Variants in GRM7 observed in about 807,000 individuals in gnomAD.
GRM7 encodes the protein glutamate metabotropic receptor 7.
GRM7 carries 35 observed loss-of-function variants against 84.5 expected under a neutral mutation model. The ratio of observed to expected loss-of-function variants is 0.41; its 90% CI spans 0.32 to 0.55. The LOEUF is 0.55. Among genes scored for constraint, GRM7 ranks in the 20% least tolerant of loss-of-function variants. The pLI is 0.19. For missense variants in GRM7, 1,003 were observed against 1,194.6 expected, an observed-to-expected ratio of 0.84 and a Z score of 2.36; for synonymous variants, 487 against 455.1, an observed-to-expected ratio of 1.07 and a Z score of -0.89.
At chr3:7,406,853 A>G (rs6775616) in intron 4 of GRM7, among the ~76,000 whole-genome samples, 53,674 of 152,082 alleles carry the variant, frequency 0.35, 10,645 homozygotes, top group Non-Finnish European at 0.46. Context: ...CATTTTTTAT[A>G]GCTTTGGATA....
intron 1 of GRM7, among the ~76,000 whole-genome samples, chr3:6,902,209 C>G (rs1696412912): frequency 6.6e-6 from 1 of 152,124 alleles, no homozygotes; most frequent in Admixed American, 6.5e-5. Flanking sequence ...CATGGCATTG[C>G]CTTGTATTAC....
intron 4 of GRM7, among the ~76,000 whole-genome samples, chr3:7,368,192 C>T (rs1693987115): frequency 6.6e-6 from 1 of 151,888 alleles, no homozygotes; most frequent in Non-Finnish European, 1.5e-5. Flanking sequence ...ACTACAAAGG[C>T]ATTTCTGGAA....
At chr3:7,703,515 C>T (rs771872867) in intron 9 of GRM7, among the ~76,000 whole-genome samples, 1 of 151,986 alleles carries the variant, frequency 6.6e-6, no homozygotes, top group Non-Finnish European at 1.5e-5. Context: ...CTGCCACTTC[C>T]AATCCGGGAG....
intron 9 of GRM7, among the ~76,000 whole-genome samples, chr3:7,713,795 CTTTTTTTTTT>C (rs60007117): frequency 9.3e-5 from 6 of 64,754 alleles, no homozygotes; most frequent in South Asian, 7.9e-4. Flanking sequence ...CGGATGCTTT[CTTTTTTTTTT>C]TTTTTTTTTT....
chr3:7,198,516 C>T (rs963563768), intron 2 of GRM7, among the ~76,000 whole-genome samples: 1 of 152,076 alleles, frequency 6.6e-6, no homozygotes, highest in African/African-American at 2.4e-5. Flanking sequence ...CTGATAAACC[C>T]ATTGTAAGTC....
At chr3:7,545,278 G>C (rs1693090004) in intron 7 of GRM7, among the ~76,000 whole-genome samples, 2 of 152,170 alleles carry the variant, frequency 1.3e-5, no homozygotes, top group Non-Finnish European at 2.9e-5. Flanking sequence ...GAGTGCACAG[G>C]CCAATGCCTG....
At chr3:7,127,397 G>T (rs1445182174) in intron 1 of GRM7, among the ~76,000 whole-genome samples, 1 of 152,118 alleles carries the variant, frequency 6.6e-6, no homozygotes, top group Non-Finnish European at 1.5e-5. Flanking sequence ...GAAAATAATT[G>T]ATAGCATCTA....
chr3:6,963,520 G>A (rs906868615), intron 1 of GRM7, among the ~76,000 whole-genome samples: 7 of 152,110 alleles, frequency 4.6e-5, no homozygotes, highest in Non-Finnish European at 7.4e-5. Flanking sequence ...AGCAACTTTG[G>A]GGGCTGAAAC....
At chr3:6,946,499 T>C (rs1216191906) in intron 1 of GRM7, among the ~76,000 whole-genome samples, 4 of 152,156 alleles carry the variant, frequency 2.6e-5, no homozygotes, top group African/African-American at 4.8e-5. Flanking sequence ...AGCGTGATGC[T>C]TCCAGCTTTG....
At chr3:7,447,996 G>A (rs1420805537) in intron 5 of GRM7, among the ~76,000 whole-genome samples, 49 of 146,302 alleles carry the variant, frequency 3.3e-4, no homozygotes, top group Middle Eastern at 3.3e-3. Context: ...GAGAACATGC[G>A]GTGTTTGGTT....
chr3:7,627,888 T>A (rs1697688191), intron 8 of GRM7, among the ~76,000 whole-genome samples: 1 of 152,174 alleles, frequency 6.6e-6, no homozygotes, highest in African/African-American at 2.4e-5. Flanking sequence ...ATCCTAGTGA[T>A]TTTAACTCAA....
intron 1 of GRM7, among the ~76,000 whole-genome samples, chr3:7,064,957 T>G (rs1697598528): frequency 6.6e-6 from 1 of 152,018 alleles, no homozygotes; most frequent in Non-Finnish European, 1.5e-5. Context: ...GGACATTTTT[T>G]CATATGTTCA....
intron 8 of GRM7, among the ~76,000 whole-genome samples, chr3:7,597,682 C>T (rs927058072): frequency 2.6e-5 from 4 of 152,028 alleles, no homozygotes; most frequent in Non-Finnish European, 5.9e-5. Context: ...TGGTGTGGCT[C>T]ATTTTTGGTT....
chr3:6,953,665 T>C (rs1692891306), intron 1 of GRM7, among the ~76,000 whole-genome samples: 1 of 152,186 alleles, frequency 6.6e-6, no homozygotes, highest in Admixed American at 6.5e-5. Flanking sequence ...ACACATCACA[T>C]CTCACCAGGT....
At chr3:7,639,374 T>C (rs1378247470) in intron 8 of GRM7, among the ~76,000 whole-genome samples, 1 of 152,206 alleles carries the variant, frequency 6.6e-6, no homozygotes, top group Non-Finnish European at 1.5e-5. Context: ...CCTGATGATC[T>C]AAGTGTAATT....
intron 4 of GRM7, among the ~76,000 whole-genome samples, chr3:7,353,969 A>G (rs1272380698): frequency 6.6e-6 from 1 of 152,160 alleles, no homozygotes; most frequent in East Asian, 1.9e-4. Context: ...TTATTTCTTG[A>G]TCTGTATACA....
Position 7,496,718 on chromosome 3 carries a change from T to C in GRM7, c.1515+34996T>C, listed in dbSNP as rs572894777. ...GCCCTTGTTTCCAAGAAAAATACAC[T>C]GAAATATAAAGGGATAAAGAGAAGC... On this transcript the variant is annotated intron_variant, in intron 7 of 9. Transcript: ENST00000357716. Among the ~76,000 whole-genome samples, 27 of 151,878 alleles carry C rather than the reference T, an allele frequency of 1.8e-4. 2 individuals carry two copies. The highest frequency in any genetic ancestry group is 6.3e-4 in the African/African-American group (26 of 41,464).
intron 1 of GRM7, among the ~76,000 whole-genome samples, chr3:7,137,384 T>C (rs1369988027): frequency 6.6e-6 from 1 of 152,148 alleles, no homozygotes; most frequent in Admixed American, 6.6e-5. Flanking sequence ...TGAAAGAGTA[T>C]GATTTTTATT....
At position 6,866,202 on chromosome 3, in the gene GRM7, A is replaced by G. The variant is rs568267760; in HGVS notation, c.519+4295A>G. Among the ~76,000 whole-genome samples, 25 of 152,312 alleles carry G rather than the reference A, an allele frequency of 1.6e-4. 1 individual carries two copies. The highest frequency in any genetic ancestry group is 6.0e-4 in the African/African-American group (25 of 41,572). ...AAATTACAAGTGCTATATTTCTTAC[A>G]TATATACAGGTTATATCATAGATAT... is the stretch of plus-strand genomic sequence containing the variant. On this transcript the variant is annotated intron_variant, in intron 1 of 9. Transcript: ENST00000357716.
Sources: allele counts gnomAD v4.1 joint callset (sites outside exome capture counted in the v4.1 genomes callset), GRCh38; gene constraint gnomAD v4.1.1; transcripts MANE v1.5; gene names NCBI Gene and HGNC (gene_info 2026-07-23, HGNC 2026-07-21).